The following INS variants were observed in gnomAD, a reference collection of about 807,000 sequenced individuals.
INS encodes preproinsulin.
INS carries 6 observed loss-of-function variants against 10.5 expected under a neutral mutation model. The observed-to-expected ratio is 0.57, with a 90% CI of 0.31 to 1.13. INS has a LOEUF of 1.13. Among genes scored for constraint, INS ranks in the 50% most tolerant of loss-of-function variants. The pLI is 0.05. For missense variants in INS, 109 were observed against 138.6 expected, an observed-to-expected ratio of 0.79 and a Z score of 1.07; for synonymous variants, 71 against 62.7, an observed-to-expected ratio of 1.13 and a Z score of -0.63.
Position 2,160,785 on chromosome 11 carries a change from C to A in INS, c.187G>T (p.Val63Leu), listed in dbSNP as rs746770373. The A allele has an allele frequency of 6.2e-7, 1 of 1,611,840 alleles. No individual in the cohort carries two copies. The highest frequency in any genetic ancestry group is 2.2e-5 in the East Asian group (1 of 44,846). ...KTRREAEDLQVGQVELGGGPG... is the reference protein window; with the variant it reads ...KTRREAEDLQLGQVELGGGPG... ...GGGCAGCAATGGGCAGTTGGCTCAC[C>A]CTGCAGGTCCTCTGCCTCCCGGCGG... The change falls in exon 2 of 3, where the codon GTG becomes TTG. Residue 63 changes from valine to leucine, a missense_variant and splice_region_variant. Physicochemically the swap from Val to Leu is conservative, Grantham distance 32. Around this residue, in one of 2 missense-constraint regions of INS, gnomAD observed 108 missense variants for 118.0 expected, o/e 0.92. Coordinates refer to ENST00000381330, the MANE Select transcript of INS (RefSeq NM_000207.3).
At chr11:2,160,521 G>A (rs540664684) in intron 2 of INS, among the ~76,000 whole-genome samples, 8 of 152,260 alleles carry the variant, frequency 5.3e-5, no homozygotes, top group African/African-American at 1.9e-4. Flanking sequence ...TTGTTTGAGG[G>A]GCGAGTGGAG....
At chr11:2,160,054 CAGG>C in intron 2 of INS, 57 bp from the exon 3 acceptor site, 2 of 1,522,030 alleles carry the variant, frequency 1.3e-6, no homozygotes, top group South Asian at 2.4e-5. Context: ...CAGAGGGACA[CAGG>C]AGGACACAGT....
chr11:2,160,728 G>A (rs1052149338), intron 2 of INS, 57 bp downstream of exon 2: 29 of 1,594,870 alleles, frequency 1.8e-5, no homozygotes, highest in South Asian at 3.3e-5. Flanking sequence ...GGGTGGGAGC[G>A]CCAGGAGCAG....
chr11:2,161,099 AGCTGGGGCCTGG>A (rs1845886049), intron 1 of INS, 57 bp downstream of exon 1: 19 of 1,366,738 alleles, frequency 1.4e-5, no homozygotes, highest in Non-Finnish European at 1.7e-5. Flanking sequence ...CCTGCTGCAG[AGCTGGGGCCTGG>A]GGTCCAGCCA....
chr11:2,161,033 T>C (rs1005029940), intron 1 of INS, 45 bp from the exon 2 acceptor site: 26 of 1,584,058 alleles, frequency 1.6e-5, no homozygotes, highest in Admixed American at 7.1e-5. Context: ...CCAGGTGCCC[T>C]GCCTTGGGGC....
Position 2,160,919 on chromosome 11 carries a change from C to A in INS, c.53G>T (p.Gly18Val). 6.2e-7 allele frequency: 1 copy of A among 1,612,600 alleles called. No homozygotes were observed. The highest frequency in any genetic ancestry group is 2.2e-5 in the East Asian group (1 of 44,876). The part of the protein sequence containing the change: ...LPLLALLALW[G>V]PDPAAAFVNQ... ...CACAAAGGCTGCGGCTGGGTCAGGT[C>A]CCCAGAGGGCCAGCAGCGCCAGCAG... Residue 18 changes from glycine (G) to valine (V), a missense_variant, in exon 2 of 3, where the codon GGA becomes GTA. Around this residue, in one of 2 missense-constraint regions of INS, gnomAD observed 108 missense variants for 118.0 expected, o/e 0.92. Coordinates refer to ENST00000381330, the MANE Select transcript of INS (RefSeq NM_000207.3).
At chr11:2,161,091 T>A in intron 1 of INS, 77 bp downstream of exon 1, 2 of 1,392,126 alleles carry the variant, frequency 1.4e-6, no homozygotes, top group Non-Finnish European at 1.9e-6. Flanking sequence ...ACGTCCTCCC[T>A]GCTGCAGAGC....
rs552050179 is a variant in INS, at chr11:2,161,022, G to A, written c.-17-34C>T. The A allele has an allele frequency of 1.9e-6, 3 of 1,598,332 alleles. No individual in the cohort carries two copies. The South Asian group carries it at 3.3e-5, about 18-fold the overall frequency. On this transcript the variant is annotated intron_variant, in intron 1 of 2. Coordinates refer to ENST00000381330, the MANE Select transcript of INS (RefSeq NM_000207.3). Reference sequence around the variant, plus strand: ...CAGGCAGGGCTGAGGCAGGCTGAAGGCCAGGTGCCCTGCCTTGGGGCCCCT... The same window carrying A: ...CAGGCAGGGCTGAGGCAGGCTGAAGACCAGGTGCCCTGCCTTGGGGCCCCT...
intron 1 of INS, 59 bp downstream of exon 1, chr11:2,161,109 T>C (rs1042832170): frequency 1.6e-6 from 2 of 1,284,642 alleles, no homozygotes; most frequent in Non-Finnish European, 2.1e-6. Context: ...AGCTGGGGCC[T>C]GGGGTCCAGC....
rs922068058 is a variant in INS at position 2,160,670 on chromosome 11, C to G, written c.187+115G>C. ...GAGAACTTCTTTTTAAAAAAGTGCA[C>G]CTGACCCCCTGCTGGGTGGCAGCCT... On this transcript the variant is annotated intron_variant, in intron 2 of 2. Transcript: ENST00000381330. 4.6e-6 allele frequency: 6 copies of G among 1,316,484 alleles called. No homozygotes were observed. The African/African-American group carries it at 8.7e-5, about 19-fold the overall frequency. 81.6% of individuals were successfully genotyped at this position (1,316,484 alleles called of 1,614,324 possible).
In INS at chr11:2,160,935, G is replaced by A. The variant is rs761260304; in HGVS notation, c.37C>T (p.Leu13=). ...GGGTCAGGTCCCCAGAGGGCCAGCA[G>A]CGCCAGCAGGGGCAGGAGGCGCATC... ...LWMRLLPLLA[L]LALWGPDPAA... Residue 13 remains leucine, a synonymous_variant, in exon 2 of 3, where the codon CTG becomes TTG. Transcript: ENST00000381330. 1 of 1,612,624 alleles carries A rather than the reference G, an allele frequency of 6.2e-7. No individual in the cohort carries two copies. The highest frequency in any genetic ancestry group is 8.5e-7 in the Non-Finnish European group (1 of 1,179,832).
In INS at chr11:2,161,159, G is replaced by A; in HGVS notation, c.-18+9C>T. On this transcript the variant is annotated intron_variant, in intron 1 of 2. Transcript: ENST00000381330. ...GAGCCCACCTGACGCAAAGGCCCTT[G>A]GAACAGACCTGCTTGATGGCCTCTT... is the stretch of plus-strand genomic sequence containing the variant. 1.3e-6 allele frequency: 1 copy of A among 747,324 alleles called. No homozygotes were observed. The highest frequency in any genetic ancestry group is 2.1e-6 in the Non-Finnish European group (1 of 473,764). The allele number at this position is 747,324 out of a possible 1,614,324, so 46.3% of individuals were successfully genotyped here.
At position 2,160,221 on chromosome 11, in the gene INS, C is replaced by T. The variant is rs558654936; in HGVS notation, c.188-224G>A. Among the ~76,000 whole-genome samples the T allele has an allele frequency of 9.8e-5, 15 of 152,344 alleles. No individual in the cohort carries two copies. In the South Asian group the frequency reaches 1.2e-3, roughly 13 times the overall value. On this transcript the variant is annotated intron_variant, in intron 2 of 2. Transcript: ENST00000381330. The stretch of plus-strand genomic sequence containing the variant: ...CATGTCCCACCTCCTTCCCCCGCCC[C>T]GGGGCAGCGTCACAGTGGGAGCCTG...
At chr11:2,160,131 G>A (rs1390437185) in intron 2 of INS, 134 bp from the exon 3 acceptor site, 4 of 965,304 alleles carry the variant, frequency 4.1e-6, no homozygotes, top group African/African-American at 1.6e-5. Flanking sequence ...TCTCCAGCCG[G>A]GCTGGACCCA....
At position 2,160,920 on chromosome 11, in the gene INS, C is replaced by G. The variant is rs748696269; in HGVS notation, c.52G>C (p.Gly18Arg). ...ACAAAGGCTGCGGCTGGGTCAGGTCCCCAGAGGGCCAGCAGCGCCAGCAGG... is the reference window on the plus strand; with the variant it reads ...ACAAAGGCTGCGGCTGGGTCAGGTCGCCAGAGGGCCAGCAGCGCCAGCAGG... ...LPLLALLALWGPDPAAAFVNQ... is the reference protein window; with the variant it reads ...LPLLALLALWRPDPAAAFVNQ... Residue 18 changes from glycine to arginine, a missense_variant, in exon 2 of 3, where the codon GGA (glycine) becomes CGA (arginine). Transcript: ENST00000381330. 5.0e-6 allele frequency: 8 copies of G among 1,612,506 alleles called. No individual in the cohort carries two copies. In the Admixed American group the frequency reaches 1.2e-4, roughly 24 times the overall value.
chr11:2,160,077 A>G (rs1845848311), intron 2 of INS, 80 bp from the exon 3 acceptor site: 3 of 1,445,802 alleles, frequency 2.1e-6, no homozygotes, highest in Admixed American at 3.9e-5. Flanking sequence ...TCAGGGAGAC[A>G]CAGTGCCCGC....
chr11:2,161,037 T>C, intron 1 of INS, 49 bp from the exon 2 acceptor site: 2 of 1,577,376 alleles, frequency 1.3e-6, no homozygotes, highest in Non-Finnish European at 1.7e-6. Flanking sequence ...GTGCCCTGCC[T>C]TGGGGCCCCT....
At chr11:2,160,060 G>A in intron 2 of INS, 63 bp from the exon 3 acceptor site, 2 of 1,514,812 alleles carry the variant, frequency 1.3e-6, no homozygotes, top group Non-Finnish European at 8.9e-7. Flanking sequence ...GACACAGGAG[G>A]ACACAGTCAG....
Position 2,160,792 on chromosome 11 carries a change from G to T in INS, c.180C>A (p.Asp60Glu), listed in dbSNP as rs1243984856. Residue 60 changes from aspartate (D) to glutamate (E), a missense_variant, in exon 2 of 3, where the codon GAC becomes GAA. Asp to Glu is a conservative substitution (Grantham distance 45). Around this residue, in one of 2 missense-constraint regions of INS, gnomAD observed 108 missense variants for 118.0 expected, o/e 0.92. Transcript: ENST00000381330. The part of the protein sequence containing the change: ...YTPKTRREAE[D>E]LQVGQVELGG... ...AATGGGCAGTTGGCTCACCCTGCAG[G>T]TCCTCTGCCTCCCGGCGGGTCTTGG... is the stretch of plus-strand genomic sequence containing the variant. 6.2e-7 allele frequency: 1 copy of T among 1,612,214 alleles called. No homozygotes were observed. The highest frequency in any genetic ancestry group is 8.5e-7 in the Non-Finnish European group (1 of 1,179,602).
Sources: gnomAD v4.1 joint callset for allele counts (sites outside exome capture counted in the v4.1 genomes callset) on GRCh38, gnomAD v4.1.1 for gene constraint, gnomAD v4.1.1 regional missense constraint, MANE v1.5 for transcripts, NCBI Gene and HGNC (gene_info 2026-07-23, HGNC 2026-07-21) for gene names.